The following LIG3 variants were observed in gnomAD, a reference collection of about 807,000 sequenced individuals.
The protein encoded by LIG3 is DNA ligase 3, also known as ligase II, DNA, ATP-dependent.
Under a neutral mutation model 110.9 loss-of-function variants are expected in LIG3, and 58 were observed. The observed-to-expected ratio is 0.52, with a 90% CI of 0.42 to 0.65. LIG3 has a LOEUF of 0.65. LIG3 is among the 30% of genes least tolerant of loss of function. LIG3 has a pLI of 0.00. For synonymous variants in LIG3, 422 were observed against 472.8 expected, an observed-to-expected ratio of 0.89 and a Z score of 1.39; for missense variants, 1,094 against 1,273.8, an observed-to-expected ratio of 0.86 and a Z score of 2.15.
At chr17:35,010,562 G>A (rs2090931018), downstream of LIG3, 2 of 152,106 alleles carry the variant, frequency 1.3e-5, no homozygotes, top group Admixed American at 6.6e-5. Context: ...GACCAGCCTG[G>A]TGAACATGGT....
intron 8 of LIG3, 89 bp from the exon 9 acceptor site, chr17:34,994,187 C>T (rs778420838): frequency 9.3e-6 from 12 of 1,290,790 alleles, no homozygotes; most frequent in Non-Finnish European, 1.3e-5. Flanking sequence ...AGGTAACTAC[C>T]CTCACTAACC....
In LIG3 at chr17:34,996,224, A is replaced by G. The variant is rs543745154; in HGVS notation, c.1743+29A>G. ...CTAGCTCAGGGCCATATGTGCAAGA[A>G]TGAATGAGTGTGAGTGAGTATGTAC... On this transcript the variant is annotated intron_variant, in intron 10 of 19. Transcript: ENST00000378526. 154 of 1,611,372 alleles carry G rather than the reference A, an allele frequency of 9.6e-5. 1 individual carries two copies. In the South Asian group the frequency reaches 1.6e-3, roughly 17 times the overall value.
rs1479866345 is a variant in LIG3 at position 34,983,143 on chromosome 17, A to C, written c.138A>C (p.Gly46=). 6.2e-7 allele frequency: 1 copy of C among 1,614,148 alleles called. No individual in the cohort carries two copies. The highest frequency in any genetic ancestry group is 2.2e-5 in the East Asian group (1 of 44,884). The change falls in exon 2 of 20, where the codon GGA becomes GGC. Residue 46 remains glycine (G), a synonymous_variant. Transcript: ENST00000378526. The part of the protein sequence containing the change: ...SQWSETDLLH[G]HPLFLRRKPV... ...GGTCAGAAACAGATCTGCTTCATGGACATCCCCTCTTCCTGAGAAGAAAGC... is the reference window on the plus strand; with the variant it reads ...GGTCAGAAACAGATCTGCTTCATGGCCATCCCCTCTTCCTGAGAAGAAAGC...
rs1014746021 is a variant in LIG3, at chr17:35,008,638, G to GTTTTGTT, written c.*4138_*4144dup. 1.3e-5 allele frequency: 2 copies of GTTTTGTT among 150,526 alleles called. No homozygotes were observed. Among genetic ancestry groups the GTTTTGTT allele is most frequent in the African/African-American group, 2.5e-5 (1 of 40,698 alleles). 9.3% of individuals were successfully genotyped at this position (150,526 alleles called of 1,614,324 possible). A position where few individuals can be genotyped will look rare whatever the true frequency, so the allele number is the denominator to read the frequency against. On this transcript the variant is annotated 3_prime_UTR_variant, in exon 20 of 20. Transcript: ENST00000378526. ...GGGTTTTTTGTTTGTGTTTTTTTTT[G>GTTTTGTT]TTTTGTTTTTTGAGACAGAGTCTCG... is the stretch of plus-strand genomic sequence containing the variant.
intron 3 of LIG3, 106 bp downstream of exon 3, chr17:34,986,237 T>A: frequency 8.9e-7 from 1 of 1,125,376 alleles, no homozygotes; most frequent in Non-Finnish European, 1.3e-6. Context: ...CTCATCTCAT[T>A]AATAATTTGC....
intron 7 of LIG3, 110 bp from the exon 8 acceptor site, chr17:34,992,414 C>A: frequency 5.8e-6 from 7 of 1,196,876 alleles, no homozygotes; most frequent in Non-Finnish European, 8.3e-6. Flanking sequence ...TAGAACACAA[C>A]CCCTTCCCTA....
rs909700570 is a variant in LIG3 at position 34,998,900 on chromosome 17, G to T, written c.2113+173G>T. The stretch of plus-strand genomic sequence containing the variant: ...TCACCTCAGGCAGAGCTGCTTACTC[G>T]GTTAGGGAGAAGTCAGAATAGAGTA... On this transcript the variant is annotated intron_variant, in intron 14 of 19. Coordinates refer to ENST00000378526, the MANE Select transcript of LIG3 (RefSeq NM_013975.4). 1.0e-5 allele frequency: 7 copies of T among 686,342 alleles called. No homozygotes were observed. In the African/African-American group the frequency reaches 1.1e-4, roughly 11 times the overall value. The allele number at this position is 686,342 out of a possible 1,614,324, so 42.5% of individuals were successfully genotyped here.
intron 12 of LIG3, 93 bp from the exon 13 acceptor site, chr17:34,998,126 G>A (rs2090798797): frequency 6.7e-6 from 6 of 899,466 alleles, no homozygotes; most frequent in Non-Finnish European, 1.0e-5. Flanking sequence ...GTTTCCAGTG[G>A]ACACTTAACT....
rs570080970 is a variant in LIG3 at position 35,002,771 on chromosome 17, G to A, written c.2778G>A (p.Glu926=). The change falls in exon 19 of 20, where the codon GAG becomes GAA. Residue 926 remains glutamate (E), a synonymous_variant. Coordinates refer to ENST00000378526, the MANE Select transcript of LIG3 (RefSeq NM_013975.4). ...KVGEKRKAAD[E]TLCQTKVLLD... ...GGGAGAAGCGGAAAGCTGCTGATGA[G>A]ACGCTGTGCCAAACAAAGGTGAGGG... 11 of 1,605,626 alleles carry A rather than the reference G, an allele frequency of 6.9e-6. No homozygotes were observed. In the Admixed American group the frequency reaches 1.7e-4, roughly 25 times the overall value.
At chr17:34,991,356 A>C (rs112709755) in intron 5 of LIG3, 10 of 569,486 alleles carry the variant, frequency 1.8e-5, no homozygotes, top group African/African-American at 1.3e-4. Context: ...CTCAAAAGGC[A>C]GAATTTGAGA....
chr17:35,005,802 G>C lies in LIG3; in HGVS notation c.*1296G>C. ...TGCTCCTGTCAATGAAGTTCTAAAG[G>C]CTGTACCAATCCTCCAATATGAAAT... On this transcript the variant is annotated 3_prime_UTR_variant, in exon 20 of 20. Transcript: ENST00000378526. The C allele has an allele frequency of 2.0e-6, 1 of 490,842 alleles. No homozygotes were observed. The highest frequency in any genetic ancestry group is 4.0e-6 in the Non-Finnish European group (1 of 247,874). The allele number at this position is 490,842 out of a possible 1,614,324, so 30.4% of individuals were successfully genotyped here.
At chr17:35,010,255 G>C (rs1477601636), downstream of LIG3, 1 of 152,198 alleles carries the variant, frequency 6.6e-6, no homozygotes, top group African/African-American at 2.4e-5. Context: ...TAAGGGGTGG[G>C]AGGTGTCTGC....
intron 19 of LIG3, chr17:35,003,391 T>C (rs762173993): frequency 5.1e-5 from 12 of 237,532 alleles, no homozygotes; most frequent in Admixed American, 3.0e-4. Flanking sequence ...CTCCGCTCAC[T>C]GCAACCTCCG....
In LIG3 at chr17:34,998,741, C is replaced by T. The variant is rs993825897; in HGVS notation, c.2113+14C>T. ...AAGGGAGCAAAGGTCAGGGTGGCCT[C>T]TGCCCCCTGGGGTGGTACTGTTTTA... On this transcript the variant is annotated intron_variant, in intron 14 of 19. Transcript: ENST00000378526. 2 of 1,612,660 alleles carry T rather than the reference C, an allele frequency of 1.2e-6. No individual in the cohort carries two copies. Among genetic ancestry groups the T allele is most frequent in the African/African-American group, 2.7e-5 (2 of 75,002 alleles).
chr17:34,989,410 CCTTT>C (rs1361300392), intron 3 of LIG3, 52 bp from the exon 4 acceptor site: 7 of 1,483,400 alleles, frequency 4.7e-6, no homozygotes, highest in African/African-American at 2.8e-5. Flanking sequence ...TCCTTCCTTC[CCTTT>C]CTTTCTTCTC....
At chr17:34,999,046 TA>T in intron 14 of LIG3, 1 of 516,340 alleles carries the variant, frequency 1.9e-6, no homozygotes, top group East Asian at 3.1e-5. Flanking sequence ...GAGGAACTAA[TA>T]CTTTTAAGCA....
chr17:34,995,101 GAA>G (rs2090764400), intron 9 of LIG3, among the ~76,000 whole-genome samples: 2 of 152,190 alleles, frequency 1.3e-5, no homozygotes, highest in Admixed American at 6.5e-5. Context: ...TGAGCAGATG[GAA>G]TTCCTATCTT....
intron 7 of LIG3, 34 bp from the exon 8 acceptor site, chr17:34,992,490 G>A: frequency 6.5e-7 from 1 of 1,535,342 alleles, no homozygotes; most frequent in South Asian, 1.3e-5. Flanking sequence ...CAAAGGCAGT[G>A]GTTTTGTTTC....
chr17:35,001,398 C>T lies in LIG3; in HGVS notation c.2473C>T (p.Leu825Phe). 6.2e-7 allele frequency: 1 copy of T among 1,614,154 alleles called. No individual in the cohort carries two copies. The highest frequency in any genetic ancestry group is 8.5e-7 in the Non-Finnish European group (1 of 1,179,970). ...DWKSATNLPQ[L>F]KELYQLSKEK... ...GAAATCTGCCACTAACCTTCCCCAA[C>T]TCAAGGTAGCAGCTCTTAGGCTGTA... The change falls in exon 17 of 20, where the codon CTC (leucine) becomes TTC (phenylalanine). Residue 825 changes from leucine (L) to phenylalanine (F), a missense_variant. Coordinates refer to ENST00000378526, the MANE Select transcript of LIG3 (RefSeq NM_013975.4).
Sources: allele counts gnomAD v4.1 joint callset (sites outside exome capture counted in the v4.1 genomes callset), GRCh38; gene constraint gnomAD v4.1.1; transcripts MANE v1.5; gene names NCBI Gene and HGNC (gene_info 2026-07-23, HGNC 2026-07-21).